The following BRD2 variants were observed in gnomAD, a reference collection of about 807,000 sequenced individuals.
BRD2 encodes the protein bromodomain containing 2.
Under a neutral mutation model 79.1 loss-of-function variants are expected in BRD2, and 15 were observed. That is an observed-to-expected ratio of 0.19 (90% CI 0.13 to 0.29). The LOEUF is 0.29. BRD2 is among the 10% of genes least tolerant of loss of function. The pLI, the probability that BRD2 is intolerant of heterozygous loss-of-function variation, is 1.00. For missense variants in BRD2, 1,053 were observed against 991.3 expected, an observed-to-expected ratio of 1.06 and a Z score of -0.84; for synonymous variants, 488 against 358.6, an observed-to-expected ratio of 1.36 and a Z score of -4.08.
In BRD2 at chr6:32,976,757, T is replaced by G; in HGVS notation, c.1021T>G (p.Ser341Ala). Reference protein sequence around the residue: ...LPDSQQQHQSSKKGKLSEQLK... With the variant: ...LPDSQQQHQSAKKGKLSEQLK... ...TGACTCTCAGCAACAACACCAGAGC[T>G]CTAAGAAAGGAAAGCTTTCAGAACA... Residue 341 changes from serine to alanine, a missense_variant, in exon 7 of 13, where the codon TCT becomes GCT. This residue lies in a region of BRD2 where 454 missense variants were observed against 430.5 expected (regional missense o/e 1.05). Transcript: ENST00000374825. The G allele has an allele frequency of 6.2e-7, 1 of 1,613,262 alleles. No homozygotes were observed. The highest frequency in any genetic ancestry group is 1.1e-5 in the South Asian group (1 of 91,092).
In BRD2 at chr6:32,980,716, TA is replaced by T. The variant is rs745990407; in HGVS notation, c.2406del (p.Ter802=). The stretch of plus-strand genomic sequence containing the variant: ...AGACACCAGTGATTCAGACTCAGGC[TA>T]AGGGGTCAGGCCAGATGGGGCAGGA... ...SSDTSDSDSG[*>X] On this transcript the variant is annotated frameshift_variant and stop_lost, in exon 13 of 13. Transcript: ENST00000374825. LOFTEE classifies it high-confidence loss of function. 6.2e-7 allele frequency: 1 copy of T among 1,612,708 alleles called. No individual in the cohort carries two copies. The highest frequency in any genetic ancestry group is 1.3e-5 in the African/African-American group (1 of 75,058).
chr6:32,969,646 G>A (rs1777769583), intron 1 of BRD2, among the ~76,000 whole-genome samples: 1 of 152,206 alleles, frequency 6.6e-6, no homozygotes, highest in South Asian at 2.1e-4. Flanking sequence ...ACGGCCTGTG[G>A]GGCCTTTTGC....
chr6:32,976,679 C>G lies in BRD2; in HGVS notation c.943C>G (p.Pro315Ala), dbSNP rs749922515. Residue 315 changes from proline (P) to alanine (A), a missense_variant, in exon 7 of 13, where the codon CCT becomes GCT. Transcript: ENST00000374825. ...TGAGCCTAAGGCAGCACGGCTTCCC[C>G]CTATGCGTAGAGAGAGTGGTCGCCC... ...SLEPKAARLP[P>A]MRRESGRPIK... The G allele has an allele frequency of 5.0e-6, 8 of 1,613,132 alleles. No homozygotes were observed. Among genetic ancestry groups the G allele is most frequent in the African/African-American group, 2.7e-5 (2 of 75,068 alleles).
intron 10 of BRD2, chr6:32,979,489 A>G (rs1779247907): frequency 6.4e-6 from 2 of 311,392 alleles, no homozygotes; most frequent in Non-Finnish European, 5.9e-6. Flanking sequence ...TTTAGATACT[A>G]CTTTTTTTTT....
intron 8 of BRD2, 32 bp from the exon 9 acceptor site, chr6:32,977,725 C>A: frequency 6.2e-7 from 1 of 1,611,894 alleles, no homozygotes; most frequent in South Asian, 1.1e-5. Flanking sequence ...CACTGTTTAT[C>A]AGCATAGTTT....
chr6:32,973,176 C>G (rs1297299230), intron 2 of BRD2: 1 of 1,537,220 alleles, frequency 6.5e-7, no homozygotes, highest in Non-Finnish European at 8.8e-7. Context: ...CAGTCTTAAC[C>G]GAGTCAGGCA....
Position 32,976,023 on chromosome 6 carries a change from T to C in BRD2, c.472-8T>C, listed in dbSNP as rs374310077. 3.0e-5 allele frequency: 48 copies of C among 1,592,186 alleles called. No individual in the cohort carries two copies. In the East Asian group the frequency reaches 5.8e-4, roughly 19 times the overall value. On this transcript the variant is annotated splice_polypyrimidine_tract_variant and splice_region_variant and intron_variant, in intron 4 of 12. Transcript: ENST00000374825. ...TAACTTTCTTTATTGCTGTCTGTGT[T>C]CTCATAGCCCACTGATGATATTGTC...
intron 10 of BRD2, chr6:32,979,577 T>C (rs1779258203): frequency 2.2e-6 from 1 of 465,106 alleles, no homozygotes; most frequent in Non-Finnish European, 3.8e-6. Context: ...GTCACATTTT[T>C]AGTAATATTT....
In BRD2 at chr6:32,976,703, C is replaced by T. The variant is rs1778813873; in HGVS notation, c.967C>T (p.Pro323Ser). 1.5e-5 allele frequency: 24 copies of T among 1,613,086 alleles called. No individual in the cohort carries two copies. The East Asian group carries it at 5.1e-4, about 34-fold the overall frequency. ...LPPMRRESGR[P>S]IKPPRKDLPD... is the part of the protein sequence containing the mutation. The stretch of plus-strand genomic sequence containing the variant: ...CCCTATGCGTAGAGAGAGTGGTCGC[C>T]CCATCAAGCCCCCACGCAAAGACTT... The change falls in exon 7 of 13, where the codon CCC becomes TCC. Residue 323 changes from proline to serine, a missense_variant. Physicochemically the swap from Pro to Ser is moderately conservative, Grantham distance 74. This residue lies in a region of BRD2 where 454 missense variants were observed against 430.5 expected (regional missense o/e 1.05). Coordinates refer to ENST00000374825, the MANE Select transcript of BRD2 (RefSeq NM_005104.4).
At chr6:32,977,172 T>C (rs1352055602) in intron 7 of BRD2, 4 of 1,368,354 alleles carry the variant, frequency 2.9e-6, no homozygotes, top group East Asian at 2.5e-5. Flanking sequence ...TAAGTACTAA[T>C]GTGGCAGTGT....
chr6:32,975,609 T>C, intron 4 of BRD2, 88 bp downstream of exon 4: 2 of 1,522,130 alleles, frequency 1.3e-6, no homozygotes, highest in Non-Finnish European at 1.8e-6. Context: ...AAAGTTTAAA[T>C]CCTTTGCTAC....
Position 32,976,251 on chromosome 6 carries a change from G to A in BRD2, c.612G>A (p.Ala204=), listed in dbSNP as rs750277512. 3.1e-6 allele frequency: 5 copies of A among 1,610,716 alleles called. 1 individual carries two copies. The South Asian group carries it at 4.4e-5, about 14-fold the overall frequency. ...NSHKKGAKLA[A]LQGSVTSAHQ... ...CTACACTTTTTTCCTTTTTTCTAGC[G>A]CTCCAGGGCAGTGTTACCAGTGCCC... The change falls in exon 6 of 13, where the codon GCG becomes GCA. Residue 204 remains alanine (A), a splice_region_variant and synonymous_variant. Transcript: ENST00000374825.
In BRD2 at chr6:32,976,708, C is replaced by T. The variant is rs942577110; in HGVS notation, c.972C>T (p.Ile324=). ...PPMRRESGRP[I]KPPRKDLPDS... ...TGCGTAGAGAGAGTGGTCGCCCCATCAAGCCCCCACGCAAAGACTTGCCTG... is the reference window on the plus strand; with the variant it reads ...TGCGTAGAGAGAGTGGTCGCCCCATTAAGCCCCCACGCAAAGACTTGCCTG... Residue 324 remains isoleucine, a synonymous_variant, in exon 7 of 13, where the codon ATC becomes ATT. Transcript: ENST00000374825. 6.2e-7 allele frequency: 1 copy of T among 1,613,030 alleles called. No individual in the cohort carries two copies. The highest frequency in any genetic ancestry group is 8.5e-7 in the Non-Finnish European group (1 of 1,179,964).
chr6:32,974,254 A>G (rs751754259), intron 2 of BRD2, among the ~76,000 whole-genome samples: 2 of 152,216 alleles, frequency 1.3e-5, no homozygotes, highest in Non-Finnish European at 2.9e-5. Flanking sequence ...TGGGATCTAG[A>G]TAGTATACTA....
In BRD2 at chr6:32,976,317, G is replaced by A. The variant is rs15912; in HGVS notation, c.678G>A (p.Leu226=). 6.2e-7 allele frequency: 1 copy of A among 1,612,936 alleles called. No homozygotes were observed. Among genetic ancestry groups the A allele is most frequent in the Admixed American group, 1.7e-5 (1 of 60,000 alleles). The stretch of plus-strand genomic sequence containing the variant: ...TCTCTTCTGTGTCACACACAGCCCT[G>A]TATACTCCTCCACCTGAGATACCTA... ...PAVSSVSHTA[L]YTPPPEIPTT... is the part of the protein sequence containing the mutation. The change falls in exon 6 of 13, where the codon CTG becomes CTA. Residue 226 remains leucine, a synonymous_variant. Transcript: ENST00000374825.
At chr6:32,976,996 CAAT>C (rs1778849977) in intron 7 of BRD2, 60 bp downstream of exon 7, 1 of 1,536,744 alleles carries the variant, frequency 6.5e-7, no homozygotes, top group Admixed American at 2.0e-5. Context: ...AGGTGCAAAA[CAAT>C]AAGTCTCCTT....
chr6:32,975,420 G>A lies in BRD2; in HGVS notation c.370G>A (p.Gly124Ser). ...AATTATAAAACAGCCTATGGACATG[G>A]GTACTATTAAGAGGAGACTTGAAAA... The part of the protein sequence containing the change: ...HKIIKQPMDM[G>S]TIKRRLENNY... Residue 124 changes from glycine (G) to serine (S), a missense_variant, in exon 4 of 13, where the codon GGT becomes AGT. This residue lies in a region of BRD2 where 413 missense variants were observed against 335.1 expected (regional missense o/e 1.23). Transcript: ENST00000374825. The A allele has an allele frequency of 1.2e-6, 2 of 1,609,976 alleles. No individual in the cohort carries two copies. The highest frequency in any genetic ancestry group is 1.7e-4 in the Middle Eastern group (1 of 6,054).
In BRD2 at chr6:32,980,896, A is replaced by G. The variant is rs1779462679; in HGVS notation, c.*178A>G. 2 of 711,444 alleles carry G rather than the reference A, an allele frequency of 2.8e-6. No homozygotes were observed. Among genetic ancestry groups the G allele is most frequent in the South Asian group, 3.7e-5 (2 of 53,770 alleles). 44.1% of individuals were successfully genotyped at this position (711,444 alleles called of 1,614,324 possible). A position where few individuals can be genotyped will look rare whatever the true frequency, so the allele number is the denominator to read the frequency against. ...TGCAGGGACATTTACTGAAGGAGGG[A>G]CATGGACAAAACAACATTGAATTCC... On this transcript the variant is annotated 3_prime_UTR_variant, in exon 13 of 13. Coordinates refer to ENST00000374825, the MANE Select transcript of BRD2 (RefSeq NM_005104.4).
rs1778503914 is a variant in BRD2 at position 32,974,772 on chromosome 6, A to G, written c.333+7A>G. On this transcript the variant is annotated splice_region_variant and intron_variant, in intron 3 of 12. Transcript: ENST00000374825. ...TGTCAAACTGGGTCTACCGGTGAGT[A>G]GAGACATTGGAGCCGGGGAGGTGTG... 6 of 1,611,798 alleles carry G rather than the reference A, an allele frequency of 3.7e-6. No individual in the cohort carries two copies. In the Admixed American group the frequency reaches 5.0e-5, roughly 13 times the overall value.
Sources: gnomAD v4.1 joint callset for allele counts (sites outside exome capture counted in the v4.1 genomes callset) on GRCh38, gnomAD v4.1.1 for gene constraint, gnomAD v4.1.1 regional missense constraint, MANE v1.5 for transcripts, NCBI Gene and HGNC (gene_info 2026-07-23, HGNC 2026-07-21) for gene names.